The following LZTFL1 variants were observed in gnomAD, a reference collection of about 807,000 sequenced individuals.
LZTFL1 encodes the protein leucine zipper transcription factor-like protein 1.
Under a neutral mutation model 45.9 loss-of-function variants are expected in LZTFL1, and 25 were observed. The ratio of observed to expected loss-of-function variants is 0.54; its 90% confidence interval spans 0.40 to 0.76. The LOEUF is 0.76. Ranked by LOEUF, LZTFL1 falls within the 30% of genes least tolerant of loss-of-function variation. The pLI is 0.00. For synonymous variants in LZTFL1, 93 were observed against 117.4 expected (o/e 0.79, Z 1.35); for missense variants, 277 against 331.1 (o/e 0.84, Z 1.27).
At chr3:45,866,523 G>A (rs1701580183) in intron 2 of LZTFL1, among the ~76,000 whole-genome samples, 1 of 152,154 alleles carries the variant, frequency 6.6e-6, no homozygotes, top group Non-Finnish European at 1.5e-5. Flanking sequence ...TGCTGGAAAA[G>A]CAATTGTGGG....
chr3:45,832,861 G>C (rs1052116644), intron 5 of LZTFL1, 189 bp downstream of exon 5: 1 of 499,486 alleles, frequency 2.0e-6, no homozygotes, highest in Admixed American at 3.6e-5. Context: ...GTGATCAGGA[G>C]CTACTTCAGG....
At chr3:45,908,861 C>T (rs534698885) in intron 2 of LZTFL1, among the ~76,000 whole-genome samples, 1 of 152,194 alleles carries the variant, frequency 6.6e-6, no homozygotes, top group Non-Finnish European at 1.5e-5. Flanking sequence ...CCACAGACCA[C>T]TACTGCTCTG....
At chr3:45,914,278 T>A (rs995779484) in intron 1 of LZTFL1, among the ~76,000 whole-genome samples, 2 of 135,908 alleles carry the variant, frequency 1.5e-5, no homozygotes, top group Admixed American at 8.2e-5. Context: ...GTGGTGCCCA[T>A]GGATCTGCAT....
intron 2 of LZTFL1, chr3:45,894,764 C>T: frequency 3.0e-6 from 2 of 661,826 alleles, no homozygotes; most frequent in South Asian, 3.5e-5. Context: ...ATCTAGAATA[C>T]TATATAGACT....
At chr3:45,845,789 A>G (rs140577246), upstream of LZTFL1, among the ~76,000 whole-genome samples, 92 of 152,312 alleles carry the variant, frequency 6.0e-4, 1 homozygote, top group African/African-American at 2.0e-3. Flanking sequence ...AGTTTTGCCT[A>G]CAAAGCTGGG....
rs376356092 is a variant in LZTFL1, at chr3:45,872,210, C to T, written c.-214-13194G>A. 6.2e-4 allele frequency among the ~76,000 whole-genome samples: 95 copies of T among 152,240 alleles called. 3 individuals are homozygous for T. In the South Asian group the frequency reaches 0.019, roughly 30 times the overall value. Reference sequence around the variant, plus strand: ...GGCCAGAAAGGAAGGGGAAGGAGCTCCATCCTCTCTGGAGTGTGTTCTGAT... The same window carrying T: ...GGCCAGAAAGGAAGGGGAAGGAGCTTCATCCTCTCTGGAGTGTGTTCTGAT... On this transcript the variant is annotated intron_variant, in intron 2 of 4. Coordinates refer to the LZTFL1 transcript ENST00000472635.
intron 2 of LZTFL1, among the ~76,000 whole-genome samples, chr3:45,885,790 T>C (rs1294113891): frequency 2.6e-5 from 4 of 152,216 alleles, no homozygotes; most frequent in African/African-American, 9.6e-5. Context: ...GGTGCAATCT[T>C]GGCTCACTAC....
intron 2 of LZTFL1, among the ~76,000 whole-genome samples, chr3:45,874,814 C>T (rs1269469899): frequency 6.6e-6 from 1 of 152,192 alleles, no homozygotes; most frequent in Non-Finnish European, 1.5e-5. Flanking sequence ...TTCAGAGTCA[C>T]TGTGTACTTC....
intron 2 of LZTFL1, among the ~76,000 whole-genome samples, chr3:45,885,677 G>A (rs1701961496): frequency 6.6e-6 from 1 of 152,228 alleles, no homozygotes; most frequent in Non-Finnish European, 1.5e-5. Flanking sequence ...TGGCTATTGA[G>A]CACTTGAAAT....
chr3:45,865,629 C>T (rs754821938), intron 2 of LZTFL1, among the ~76,000 whole-genome samples: 4 of 152,220 alleles, frequency 2.6e-5, no homozygotes, highest in Non-Finnish European at 5.9e-5. Context: ...CTTTTTATAA[C>T]AGGAGGTAAA....
At chr3:45,876,264 A>G (rs1350524717) in intron 2 of LZTFL1, among the ~76,000 whole-genome samples, 1 of 152,186 alleles carries the variant, frequency 6.6e-6, no homozygotes, top group African/African-American at 2.4e-5. Context: ...ACCCAGGGTA[A>G]TTTAGTGAGA....
chr3:45,834,309 A>G lies in LZTFL1; in HGVS notation c.324-11T>C. Reference sequence around the variant, plus strand: ...TGTTCTAATAATTCTCTTGAAGAAGAAAGCAAAGATAAAAATTATTCATTT... The same window carrying G: ...TGTTCTAATAATTCTCTTGAAGAAGGAAGCAAAGATAAAAATTATTCATTT... On this transcript the variant is annotated splice_polypyrimidine_tract_variant and intron_variant, in intron 3 of 9. Transcript: ENST00000296135. 1 of 1,530,500 alleles carries G rather than the reference A, an allele frequency of 6.5e-7. No homozygotes were observed. The highest frequency in any genetic ancestry group is 9.0e-7 in the Non-Finnish European group (1 of 1,109,168). The allele number at this position is 1,530,500 out of a possible 1,614,324, so 94.8% of individuals were successfully genotyped here.
chr3:45,848,689 C>A (rs1701258102), intron 4 of LZTFL1, among the ~76,000 whole-genome samples: 1 of 152,142 alleles, frequency 6.6e-6, no homozygotes, highest in African/African-American at 2.4e-5. Context: ...AATACTGCAT[C>A]TTTATGTTTG....
At position 45,901,600 on chromosome 3, in the gene LZTFL1, A is replaced by G. The variant is rs887128612; in HGVS notation, c.-215+11520T>C. ...TTTGTCTTGTCTCAGTTTCCCTACA[A>G]CTGCATTTTGTTGGTGCAGACCATT... On this transcript the variant is annotated intron_variant, in intron 2 of 4. Coordinates refer to the LZTFL1 transcript ENST00000472635. This position sits in a 1 kb window ranked among gnomAD's most constrained non-coding sequence, Gnocchi z 4.3. 2 of 1,613,986 alleles carry G rather than the reference A, an allele frequency of 1.2e-6. No individual in the cohort carries two copies. Among genetic ancestry groups the G allele is most frequent in the African/African-American group, 1.3e-5 (1 of 74,892 alleles).
intron 2 of LZTFL1, among the ~76,000 whole-genome samples, chr3:45,894,206 C>T (rs9855205): frequency 0.091 from 13,908 of 152,184 alleles, 678 homozygotes; most frequent in Non-Finnish European, 0.11. Flanking sequence ...CAGTCAGTTC[C>T]GAGGCCCTGT....
Position 45,855,796 on chromosome 3 carries a change from C to T in LZTFL1, c.-137-722G>A, listed in dbSNP as rs539502466. On this transcript the variant is annotated intron_variant, in intron 3 of 4. Coordinates refer to the LZTFL1 transcript ENST00000472635. ...GCCAAATCATGAATGAATTCCCATT[C>T]GCAATTGCTACAAAGAAAATAAAAT... is the stretch of plus-strand genomic sequence containing the variant. Among the ~76,000 whole-genome samples, 17 of 152,184 alleles carry T rather than the reference C, an allele frequency of 1.1e-4. No individual in the cohort carries two copies. The East Asian group carries it at 2.5e-3, about 22-fold the overall frequency.
chr3:45,893,288 G>A (rs1395847968), intron 2 of LZTFL1, among the ~76,000 whole-genome samples: 2 of 152,090 alleles, frequency 1.3e-5, no homozygotes, highest in African/African-American at 4.8e-5. Flanking sequence ...CTGAGTAGCT[G>A]AGACTACAGG....
intron 2 of LZTFL1, among the ~76,000 whole-genome samples, chr3:45,836,569 C>T (rs1700971685): frequency 6.6e-6 from 1 of 152,108 alleles, no homozygotes; most frequent in South Asian, 2.1e-4. Context: ...GCAGGAGAAT[C>T]GCTTGTAACC....
At chr3:45,859,685 G>A (rs1470718607) in intron 2 of LZTFL1, among the ~76,000 whole-genome samples, 1 of 142,624 alleles carries the variant, frequency 7.0e-6, no homozygotes, top group Non-Finnish European at 1.5e-5. Context: ...TGCCCAGGCT[G>A]GCATGCAGTG....
Sources: allele counts gnomAD v4.1 joint callset (sites outside exome capture counted in the v4.1 genomes callset), GRCh38; gene constraint gnomAD v4.1.1; non-coding constraint Gnocchi (gnomAD v3.1); transcripts MANE v1.5; gene names NCBI Gene and HGNC (gene_info 2026-07-23, HGNC 2026-07-21).